GRXCR1: variants seen among roughly 807,000 people sequenced by gnomAD.
GRXCR1 encodes the protein glutaredoxin and cysteine rich domain containing 1.
In GRXCR1, 27 loss-of-function variants were observed where a neutral mutation model predicts 27.3. The observed-to-expected ratio is 0.99, with a 90% CI of 0.73 to 1.37. The LOEUF is 1.37. Among genes scored for constraint, GRXCR1 ranks in the 40% most tolerant of loss-of-function variants. The pLI, the probability that GRXCR1 is intolerant of heterozygous loss-of-function variation, is 0.00. For missense variants in GRXCR1, 379 were observed against 354.4 expected (o/e 1.07, Z -0.56); for synonymous variants, 122 against 131.1 (o/e 0.93, Z 0.47).
At chr4:42,903,991 T>A (rs909033125) in intron 1 of GRXCR1, among the ~76,000 whole-genome samples, 6 of 152,210 alleles carry the variant, frequency 3.9e-5, no homozygotes, top group African/African-American at 1.4e-4. Flanking sequence ...TCAGGGAACA[T>A]AATTCGCCTT....
At chr4:42,995,503 A>G (rs996690743) in intron 2 of GRXCR1, among the ~76,000 whole-genome samples, 3 of 152,150 alleles carry the variant, frequency 2.0e-5, no homozygotes, top group Non-Finnish European at 4.4e-5. Flanking sequence ...GAAAGAGATA[A>G]TTGCACAATT....
At chr4:42,909,107 C>T (rs142531261) in intron 1 of GRXCR1, among the ~76,000 whole-genome samples, 85 of 152,252 alleles carry the variant, frequency 5.6e-4, no homozygotes, top group African/African-American at 1.9e-3. Context: ...AAAAAGCAAA[C>T]GCTTTAGATA....
chr4:42,950,225 C>T (rs551717401), intron 1 of GRXCR1, among the ~76,000 whole-genome samples: 7 of 152,164 alleles, frequency 4.6e-5, no homozygotes, highest in Non-Finnish European at 1.0e-4. Context: ...GCGGGGCTCT[C>T]TAGCCACTTA....
intron 1 of GRXCR1, among the ~76,000 whole-genome samples, chr4:42,922,111 T>C (rs1487390098): frequency 6.6e-6 from 1 of 152,164 alleles, no homozygotes; most frequent in East Asian, 1.9e-4. Context: ...GGTAACAAAG[T>C]ATTAAATAAA....
intron 1 of GRXCR1, among the ~76,000 whole-genome samples, chr4:42,944,270 A>C (rs1303835892): frequency 2.0e-5 from 3 of 152,052 alleles, no homozygotes; most frequent in African/African-American, 7.2e-5. Flanking sequence ...AGACTTGTTG[A>C]GTTTGAGATT....
intron 2 of GRXCR1, among the ~76,000 whole-genome samples, chr4:42,972,816 A>G (rs1187525094): frequency 6.6e-6 from 1 of 152,098 alleles, no homozygotes; most frequent in Non-Finnish European, 1.5e-5. Flanking sequence ...AAAGTTGAGG[A>G]CTCAAAGTTC....
intron 2 of GRXCR1, among the ~76,000 whole-genome samples, chr4:42,963,599 T>A (rs928378473): frequency 6.6e-6 from 1 of 151,992 alleles, no homozygotes; most frequent in East Asian, 1.9e-4. Flanking sequence ...TTTTATCTGC[T>A]TGTTTAAAAT....
intron 1 of GRXCR1, among the ~76,000 whole-genome samples, chr4:42,949,800 A>G (rs922813373): frequency 1.3e-5 from 2 of 152,126 alleles, no homozygotes; most frequent in African/African-American, 4.8e-5. Flanking sequence ...AAGCCTGAGG[A>G]GGAAATGGGA....
intron 3 of GRXCR1, among the ~76,000 whole-genome samples, chr4:43,026,160 T>C (rs182825247): frequency 1.7e-4 from 26 of 152,288 alleles, no homozygotes; most frequent in African/African-American, 6.3e-4. Context: ...CCGTGTTCTT[T>C]GGGAAATTCC....
intron 2 of GRXCR1, among the ~76,000 whole-genome samples, chr4:42,970,845 C>A (rs1433730363): frequency 6.6e-6 from 1 of 152,142 alleles, no homozygotes; most frequent in African/African-American, 2.4e-5. Context: ...ATCAGTTTTT[C>A]TTTTCTACCA....
chr4:42,942,787 G>A (rs1747654141), intron 1 of GRXCR1, among the ~76,000 whole-genome samples: 1 of 152,054 alleles, frequency 6.6e-6, no homozygotes, highest in Admixed American at 6.6e-5. Flanking sequence ...AATTTTCCTT[G>A]CTCTTTCTAT....
intron 2 of GRXCR1, among the ~76,000 whole-genome samples, chr4:42,987,235 A>AT (rs1484460063): frequency 1.2e-5 from 1 of 83,770 alleles, no homozygotes; most frequent in South Asian, 3.4e-4. Context: ...TATATTATAT[A>AT]TATATAATAT....
chr4:42,951,138 C>A (rs1170877335), intron 1 of GRXCR1, among the ~76,000 whole-genome samples: 2 of 152,098 alleles, frequency 1.3e-5, no homozygotes, highest in Non-Finnish European at 2.9e-5. Flanking sequence ...TTCAGAAGCA[C>A]CAAGGTCAGG....
chr4:42,904,523 C>T (rs915870141), intron 1 of GRXCR1, among the ~76,000 whole-genome samples: 1 of 152,156 alleles, frequency 6.6e-6, no homozygotes, highest in African/African-American at 2.4e-5. Context: ...GTTTCAGATG[C>T]AGTCTAACTT....
rs1297080661 is a variant in GRXCR1 at position 42,987,344 on chromosome 4, G to A, written c.627+24210G>A. On this transcript the variant is annotated intron_variant, in intron 2 of 3. Coordinates refer to ENST00000399770, the MANE Select transcript of GRXCR1 (RefSeq NM_001080476.3). ...GTCATCCAGACTGAAGTGTGGTGGT[G>A]TGATCATAGCTTAGGGTGACTTCAA... Among the ~76,000 whole-genome samples, 8 of 148,754 alleles carry A rather than the reference G, an allele frequency of 5.4e-5. No homozygotes were observed. The Admixed American group carries it at 5.5e-4, about 10-fold the overall frequency.
intron 1 of GRXCR1, among the ~76,000 whole-genome samples, chr4:42,930,110 A>G (rs1385832822): frequency 6.6e-6 from 1 of 151,990 alleles, no homozygotes; most frequent in Non-Finnish European, 1.5e-5. Flanking sequence ...CATCCTGGCT[A>G]TTATCACCCT....
At chr4:43,016,517 C>T (rs1712935580) in intron 2 of GRXCR1, among the ~76,000 whole-genome samples, 1 of 152,016 alleles carries the variant, frequency 6.6e-6, no homozygotes, top group East Asian at 1.9e-4. Context: ...TAGCATGCCC[C>T]TTTTGTACTA....
chr4:42,938,607 C>T (rs1348027939), intron 1 of GRXCR1, among the ~76,000 whole-genome samples: 3 of 151,874 alleles, frequency 2.0e-5, no homozygotes, highest in Non-Finnish European at 4.4e-5. Flanking sequence ...AGATTTTCCC[C>T]ATATATTCTT....
intron 1 of GRXCR1, among the ~76,000 whole-genome samples, chr4:42,903,455 G>T (rs938736022): frequency 6.9e-6 from 1 of 145,468 alleles, no homozygotes; most frequent in Non-Finnish European, 1.5e-5. Flanking sequence ...GGGACTACAG[G>T]CACCCACCAC....
Sources: gnomAD v4.1 joint callset for allele counts (sites outside exome capture counted in the v4.1 genomes callset) on GRCh38, gnomAD v4.1.1 for gene constraint, MANE v1.5 for transcripts, NCBI Gene and HGNC (gene_info 2026-07-23, HGNC 2026-07-21) for gene names.